The following RABGAP1L variants were observed in gnomAD, a reference collection of about 807,000 sequenced individuals.
RABGAP1L encodes the protein rab GTPase-activating protein 1-like.
RABGAP1L carries 63 observed loss-of-function variants against 137.7 expected under a neutral mutation model. That is an observed-to-expected ratio of 0.46 (90% CI 0.37 to 0.56). RABGAP1L has a LOEUF of 0.56. Among genes scored for constraint, RABGAP1L ranks in the 20% least tolerant of loss-of-function variants. The probability of loss-of-function intolerance (pLI) is 0.00; values close to 1 mark genes in which losing one functional copy is unlikely to be tolerated. For synonymous variants in RABGAP1L, 431 were observed against 433.7 expected, an observed-to-expected ratio of 0.99 and a Z score of 0.08; for missense variants, 1,095 against 1,244.0, an observed-to-expected ratio of 0.88 and a Z score of 1.80.
At position 174,221,728 on chromosome 1, in the gene RABGAP1L, C is replaced by G. The variant is rs866609234; in HGVS notation, c.331+564C>G. Among the ~76,000 whole-genome samples the G allele has an allele frequency of 6.6e-5, 10 of 152,134 alleles. No individual in the cohort carries two copies. In the South Asian group the frequency reaches 8.3e-4, roughly 13 times the overall value. On this transcript the variant is annotated intron_variant, in intron 3 of 25. Transcript: ENST00000681986. ...CCACAGGTATAATTTGATCTAGGCT[C>G]TGATGGTGTTTTTTTGGTAACTACT...
chr1:174,395,498 A>T (rs975310942), intron 13 of RABGAP1L, among the ~76,000 whole-genome samples: 1 of 152,182 alleles, frequency 6.6e-6, no homozygotes, highest in Non-Finnish European at 1.5e-5. Flanking sequence ...TTTGAAACAT[A>T]TGGCGGTTTA....
In RABGAP1L at chr1:174,448,029, C is replaced by G. The variant is rs900329926; in HGVS notation, c.1710+53884C>G. The G allele has an allele frequency of 2.1e-5, 25 of 1,186,892 alleles. No homozygotes were observed. The highest frequency in any genetic ancestry group is 3.0e-5 in the Non-Finnish European group (25 of 825,248). The allele number at this position is 1,186,892 out of a possible 1,614,324, so 73.5% of individuals were successfully genotyped here. A position where few individuals can be genotyped will look rare whatever the true frequency, so the allele number is the denominator to read the frequency against. ...GTCTACTGAAGCAGGTTCTGAAACA[C>G]TCATGTGCGGTGTTTAACAGATGCT... On this transcript the variant is annotated intron_variant, in intron 13 of 25. Transcript: ENST00000681986. The surrounding 1 kb of genome is among the most constrained non-coding windows in gnomAD (Gnocchi z 4.2).
At chr1:174,192,829 A>G (rs1196698963) in intron 1 of RABGAP1L, among the ~76,000 whole-genome samples, 1 of 152,234 alleles carries the variant, frequency 6.6e-6, no homozygotes, top group Non-Finnish European at 1.5e-5. Context: ...CACTTTGGGC[A>G]GGAAACTAGG....
intron 13 of RABGAP1L, among the ~76,000 whole-genome samples, chr1:174,531,134 G>T (rs577315994): frequency 5.9e-5 from 9 of 152,238 alleles, no homozygotes; most frequent in Admixed American, 1.3e-4. Context: ...TTTATGTGAA[G>T]TATAAGAATA....
At chr1:174,867,999 T>G (rs1056992597) in intron 19 of RABGAP1L, among the ~76,000 whole-genome samples, 1 of 152,064 alleles carries the variant, frequency 6.6e-6, no homozygotes, top group East Asian at 1.9e-4. Flanking sequence ...GGAGTCTTGC[T>G]CCGTCGCCCA....
At chr1:174,878,912 T>G (rs1199654621) in intron 19 of RABGAP1L, among the ~76,000 whole-genome samples, 1 of 150,542 alleles carries the variant, frequency 6.6e-6, no homozygotes, top group East Asian at 2.0e-4. Context: ...AATTATGTAA[T>G]TTTTTGTGCA....
At chr1:174,533,007 G>A (rs942130803) in intron 13 of RABGAP1L, among the ~76,000 whole-genome samples, 6 of 152,180 alleles carry the variant, frequency 3.9e-5, no homozygotes. Flanking sequence ...GGCCGAGGTG[G>A]GTGGGTCACG....
At chr1:174,900,881 G>A (rs1029015011) in intron 19 of RABGAP1L, among the ~76,000 whole-genome samples, 2 of 152,004 alleles carry the variant, frequency 1.3e-5, no homozygotes, top group African/African-American at 4.8e-5. Flanking sequence ...ATATCCTGAA[G>A]GATGTTTTCC....
chr1:174,386,971 A>G (rs933597531), intron 12 of RABGAP1L, among the ~76,000 whole-genome samples: 1 of 149,602 alleles, frequency 6.7e-6, no homozygotes, highest in African/African-American at 2.5e-5. Flanking sequence ...TATTTTGATG[A>G]CTAAATAAAC....
intron 13 of RABGAP1L, among the ~76,000 whole-genome samples, chr1:174,429,090 C>T (rs1652294256): frequency 6.6e-6 from 1 of 151,866 alleles, no homozygotes; most frequent in African/African-American, 2.4e-5. Context: ...AAAACTAGGA[C>T]AATTAAGATT....
At chr1:174,330,111 T>A (rs1329255207) in intron 11 of RABGAP1L, among the ~76,000 whole-genome samples, 3 of 152,184 alleles carry the variant, frequency 2.0e-5, no homozygotes, top group African/African-American at 4.8e-5. Flanking sequence ...GAAATCAAGT[T>A]GTCCCTGTTT....
At chr1:174,718,380 A>C (rs1268355121) in intron 17 of RABGAP1L, among the ~76,000 whole-genome samples, 1 of 152,186 alleles carries the variant, frequency 6.6e-6, no homozygotes, top group Non-Finnish European at 1.5e-5. Context: ...TGTTCCTAAG[A>C]ATCTCTACCT....
rs185467086 is a variant in RABGAP1L at position 174,662,165 on chromosome 1, G to A, written c.1825-21357G>A. 1.6e-3 allele frequency among the ~76,000 whole-genome samples: 214 copies of A among 136,052 alleles called. 1 individual carries two copies. Among genetic ancestry groups the A allele is most frequent in the Non-Finnish European group, 1.4e-3 (95 of 66,154 alleles). 89.3% of individuals were successfully genotyped at this position (136,052 alleles called of 152,430 possible). A position where few individuals can be genotyped will look rare whatever the true frequency, so the allele number is the denominator to read the frequency against. On this transcript the variant is annotated intron_variant, in intron 14 of 25. Transcript: ENST00000681986. ...GTCGCCCAGGCTGTAGTGCAATGTCGCAGTCTCTGCTCACTGCAACCTCCG... is the reference window on the plus strand; with the variant it reads ...GTCGCCCAGGCTGTAGTGCAATGTCACAGTCTCTGCTCACTGCAACCTCCG...
intron 19 of RABGAP1L, among the ~76,000 whole-genome samples, chr1:174,843,288 A>G (rs2148954063): frequency 6.7e-6 from 1 of 148,250 alleles, no homozygotes; most frequent in East Asian, 2.0e-4. Context: ...CAGGTTAGTT[A>G]CATATGTATA....
chr1:174,947,469 G>C (rs1573962494), intron 19 of RABGAP1L, among the ~76,000 whole-genome samples: 1 of 151,960 alleles, frequency 6.6e-6, no homozygotes, highest in Non-Finnish European at 1.5e-5. Context: ...CCAGGCTGGA[G>C]TACAATGCCG....
chr1:174,322,536 G>C (rs778059409), intron 11 of RABGAP1L, among the ~76,000 whole-genome samples: 1 of 152,114 alleles, frequency 6.6e-6, no homozygotes, highest in East Asian at 1.9e-4. Flanking sequence ...GAGGCTGCTT[G>C]GTTGTCCTTA....
rs978012775 is a variant in RABGAP1L, at chr1:174,422,584, G to A, written c.1710+28439G>A. 4.6e-5 allele frequency among the ~76,000 whole-genome samples: 7 copies of A among 151,912 alleles called. No homozygotes were observed. The South Asian group carries it at 1.5e-3, about 32-fold the overall frequency. On this transcript the variant is annotated intron_variant, in intron 13 of 25. Transcript: ENST00000681986. ...CCCTTTTATTGATATGCAAATACAG[G>A]CCCAAGAGAAGTTATATGAATTAAT...
chr1:174,638,787 C>CA (rs1674277581), intron 14 of RABGAP1L, among the ~76,000 whole-genome samples: 1 of 146,714 alleles, frequency 6.8e-6, no homozygotes. Flanking sequence ...ATCGCAAGAA[C>CA]AAAAAAGCAA....
At chr1:174,289,968 C>G (rs1373602363) in intron 10 of RABGAP1L, among the ~76,000 whole-genome samples, 1 of 152,088 alleles carries the variant, frequency 6.6e-6, no homozygotes, top group South Asian at 2.1e-4. Context: ...GAAGCTGTGC[C>G]CCACTGTTTG....
Sources: gnomAD v4.1 joint callset for allele counts (sites outside exome capture counted in the v4.1 genomes callset) on GRCh38, gnomAD v4.1.1 for gene constraint, Gnocchi (gnomAD v3.1) non-coding constraint, MANE v1.5 for transcripts, NCBI Gene and HGNC (gene_info 2026-07-23, HGNC 2026-07-21) for gene names.